The following TMEM132D variants were observed in gnomAD, a reference collection of about 807,000 sequenced individuals.
The protein encoded by TMEM132D is transmembrane protein 132D.
TMEM132D carries 21 observed loss-of-function variants against 62.3 expected under a neutral mutation model. The observed-to-expected ratio is 0.34, with a 90% confidence interval of 0.24 to 0.49. The LOEUF is 0.49. Ranked by LOEUF, TMEM132D falls within the 20% of genes least tolerant of loss-of-function variation. The probability of loss-of-function intolerance (pLI) is 0.99; values close to 1 mark genes in which losing one functional copy is unlikely to be tolerated. For missense variants in TMEM132D, 1,346 were observed against 1,402.8 expected, an observed-to-expected ratio of 0.96 and a Z score of 0.65; for synonymous variants, 621 against 575.6, an observed-to-expected ratio of 1.08 and a Z score of -1.13.
At chr12:129,576,180 C>G (rs964925802) in intron 2 of TMEM132D, among the ~76,000 whole-genome samples, 2 of 151,912 alleles carry the variant, frequency 1.3e-5, no homozygotes, top group Non-Finnish European at 2.9e-5. Flanking sequence ...TGCATACCCT[C>G]TACCTACACT....
At chr12:129,616,151 A>G (rs1878911538) in intron 2 of TMEM132D, among the ~76,000 whole-genome samples, 1 of 152,252 alleles carries the variant, frequency 6.6e-6, no homozygotes, top group African/African-American at 2.4e-5. Flanking sequence ...TAGTTTCACT[A>G]TAAATGGGAT....
intron 2 of TMEM132D, among the ~76,000 whole-genome samples, chr12:129,626,463 AT>A (rs200230808): frequency 3.0e-3 from 255 of 86,196 alleles, no homozygotes; most frequent in Middle Eastern, 0.022. Flanking sequence ...TTATGTGCCA[AT>A]TTTTTTTTTC....
chr12:129,193,375 C>T (rs1878462712), intron 5 of TMEM132D, among the ~76,000 whole-genome samples: 1 of 152,060 alleles, frequency 6.6e-6, no homozygotes, highest in South Asian at 2.1e-4. Flanking sequence ...AAATAATTCT[C>T]CATCGCAGAA....
chr12:129,352,060 C>A (rs143674572), intron 3 of TMEM132D, among the ~76,000 whole-genome samples: 33 of 152,224 alleles, frequency 2.2e-4, no homozygotes, highest in African/African-American at 7.9e-4. Context: ...CGAACCAGAG[C>A]GACTCCATCT....
intron 4 of TMEM132D, among the ~76,000 whole-genome samples, chr12:129,245,962 T>C (rs1487474370): frequency 1.3e-5 from 2 of 152,212 alleles, no homozygotes; most frequent in Non-Finnish European, 2.9e-5. Flanking sequence ...ACTTCTGGCA[T>C]GACGTCATCT....
rs544845560 is a variant in TMEM132D, at chr12:129,763,491, G to A, written c.80-62793C>T. Among the ~76,000 whole-genome samples, 22 of 148,664 alleles carry A rather than the reference G, an allele frequency of 1.5e-4. No homozygotes were observed. The South Asian group carries it at 4.1e-3, about 27-fold the overall frequency. ...CAGCTTTAGGTTTGGCACTTGGAAC[G>A]CCAATAATTGACTGATACTGAGCTA... On this transcript the variant is annotated intron_variant, in intron 1 of 8. Coordinates refer to ENST00000422113, the MANE Select transcript of TMEM132D (RefSeq NM_133448.3).
chr12:129,746,018 G>A (rs1484143849), intron 1 of TMEM132D, among the ~76,000 whole-genome samples: 1 of 152,146 alleles, frequency 6.6e-6, no homozygotes, highest in Non-Finnish European at 1.5e-5. Flanking sequence ...CCAGGGACCT[G>A]GACCATGAGA....
chr12:129,290,017 T>G (rs915839767), intron 4 of TMEM132D, among the ~76,000 whole-genome samples: 1 of 152,210 alleles, frequency 6.6e-6, no homozygotes, highest in African/African-American at 2.4e-5. Flanking sequence ...GGGTCTGTAT[T>G]TATTAATAGG....
chr12:129,380,203 C>T (rs372714685), intron 3 of TMEM132D, among the ~76,000 whole-genome samples: 35 of 152,132 alleles, frequency 2.3e-4, no homozygotes, highest in African/African-American at 8.4e-4. Flanking sequence ...ATAAACACAG[C>T]CTTAAAAACT....
intron 1 of TMEM132D, among the ~76,000 whole-genome samples, chr12:129,807,361 T>C (rs1872026145): frequency 6.6e-6 from 1 of 152,146 alleles, no homozygotes; most frequent in Non-Finnish European, 1.5e-5. Context: ...TGGCCATCAA[T>C]GTCTCCCCCA....
chr12:129,674,444 C>T lies in TMEM132D; in HGVS notation c.968+25366G>A, dbSNP rs368442030. ...CCTACTTTCAGACATCTTTTCCCAA[C>T]AAATCATGTCCATCACAGCAAAATT... On this transcript the variant is annotated intron_variant, in intron 2 of 8. Coordinates refer to ENST00000422113, the MANE Select transcript of TMEM132D (RefSeq NM_133448.3). Among the ~76,000 whole-genome samples, 8 of 152,308 alleles carry T rather than the reference C, an allele frequency of 5.3e-5. No individual in the cohort carries two copies. In the South Asian group the frequency reaches 1.7e-3, roughly 32 times the overall value.
intron 4 of TMEM132D, among the ~76,000 whole-genome samples, chr12:129,260,179 A>T (rs189468172): frequency 6.6e-6 from 1 of 152,316 alleles, no homozygotes; most frequent in East Asian, 1.9e-4. Flanking sequence ...GGAGACTAGG[A>T]AGTAGTCCTT....
chr12:129,144,365 T>C (rs1328104355), intron 5 of TMEM132D, among the ~76,000 whole-genome samples: 4 of 152,184 alleles, frequency 2.6e-5, no homozygotes. Context: ...ATTTCTAACT[T>C]GCTTTGGTCA....
chr12:129,653,454 T>A (rs1879984689), intron 2 of TMEM132D, among the ~76,000 whole-genome samples: 1 of 152,174 alleles, frequency 6.6e-6, no homozygotes, highest in South Asian at 2.1e-4. Context: ...ATTCACTCTA[T>A]CTTGTTACTT....
intron 2 of TMEM132D, among the ~76,000 whole-genome samples, chr12:129,695,693 C>T (rs892387625): frequency 6.6e-6 from 1 of 152,234 alleles, no homozygotes; most frequent in African/African-American, 2.4e-5. Flanking sequence ...TGGTCCCTCT[C>T]CTACCCCTGG....
At chr12:129,578,629 T>C (rs539159444) in intron 2 of TMEM132D, among the ~76,000 whole-genome samples, 2 of 152,182 alleles carry the variant, frequency 1.3e-5, no homozygotes, top group South Asian at 4.2e-4. Flanking sequence ...CTACAATCTA[T>C]ACCATCTGCA....
intron 2 of TMEM132D, among the ~76,000 whole-genome samples, chr12:129,559,798 C>A (rs1427237952): frequency 6.6e-6 from 1 of 152,234 alleles, no homozygotes; most frequent in East Asian, 1.9e-4. Context: ...AATTTCTTTA[C>A]AATATTTATC....
At chr12:129,491,521 C>T (rs74832422) in intron 3 of TMEM132D, among the ~76,000 whole-genome samples, 209 of 152,298 alleles carry the variant, frequency 1.4e-3, no homozygotes, top group African/African-American at 4.9e-3. Flanking sequence ...CGGTCCTCCC[C>T]GCTGTCTCCT....
intron 2 of TMEM132D, among the ~76,000 whole-genome samples, chr12:129,622,984 G>C (rs1443196629): frequency 2.0e-5 from 3 of 152,160 alleles, no homozygotes; most frequent in Non-Finnish European, 4.4e-5. Context: ...ACGAGGTAAT[G>C]TAAGTTCATC....
Sources: allele counts gnomAD v4.1 joint callset (sites outside exome capture counted in the v4.1 genomes callset), GRCh38; gene constraint gnomAD v4.1.1; transcripts MANE v1.5; gene names NCBI Gene and HGNC (gene_info 2026-07-23, HGNC 2026-07-21).